Variants in KCNK16 observed in about 807,000 individuals in gnomAD.
The protein encoded by KCNK16 is potassium two pore domain channel subfamily K member 16.
Under a neutral mutation model 23.0 loss-of-function variants are expected in KCNK16, and 23 were observed. The observed-to-expected ratio is 1.00, with a 90% confidence interval of 0.72 to 1.41. The LOEUF is 1.41. Ranked by LOEUF, KCNK16 falls within the 40% of genes most tolerant of loss-of-function variation. The probability of loss-of-function intolerance (pLI) is 0.00; values close to 1 mark genes in which losing one functional copy is unlikely to be tolerated. For missense variants in KCNK16, 327 were observed against 365.8 expected, an observed-to-expected ratio of 0.89 and a Z score of 0.87; for synonymous variants, 145 against 153.5, an observed-to-expected ratio of 0.94 and a Z score of 0.41.
chr6:39,316,503 C>T (rs1762323531), intron 4 of KCNK16, 61 bp from the exon 5 acceptor site: 1 of 1,516,602 alleles, frequency 6.6e-7, no homozygotes, highest in Non-Finnish European at 8.9e-7. Flanking sequence ...CCTCCAGTTT[C>T]CATAGGGACC....
Position 39,319,558 on chromosome 6 carries a change from A to G in KCNK16, c.214-425T>C, listed in dbSNP as rs753049499. Among the ~76,000 whole-genome samples, 11 of 152,160 alleles carry G rather than the reference A, an allele frequency of 7.2e-5. No individual in the cohort carries two copies. Among genetic ancestry groups the G allele is most frequent in the African/African-American group, 1.4e-4 (6 of 41,420 alleles). On this transcript the variant is annotated intron_variant, in intron 1 of 4. Transcript: ENST00000437525. The surrounding 1 kb of genome is among the most constrained non-coding windows in gnomAD (Gnocchi z 4.2). ...TGTCTGGAAGGGATTGCTGGGGAAC[A>G]CAGGGTTTAGGGACCACAGGGAAGC...
downstream of KCNK16, chr6:39,315,567 C>T (rs755890977): frequency 1.4e-5 from 10 of 700,606 alleles, no homozygotes; most frequent in East Asian, 8.2e-5. Flanking sequence ...GCCTGCCCCT[C>T]GGCTGAGAGC....
chr6:39,322,001 A>G (rs1358857807), intron 1 of KCNK16, among the ~76,000 whole-genome samples: 1 of 152,264 alleles, frequency 6.6e-6, no homozygotes, highest in Admixed American at 6.5e-5. Flanking sequence ...TATAGTTCCC[A>G]TTCATCCAGC....
At chr6:39,315,710 A>C (rs1762284741), downstream of KCNK16, among the ~76,000 whole-genome samples, 1 of 152,020 alleles carries the variant, frequency 6.6e-6, no homozygotes, top group Admixed American at 6.5e-5. Flanking sequence ...CCATCATAGC[A>C]TTTTGGGCAC....
chr6:39,317,888 C>CGTT lies in KCNK16; in HGVS notation c.392_393insAAC (p.Leu131_Gly132insThr). 6.2e-7 allele frequency: 1 copy of CGTT among 1,613,852 alleles called. No homozygotes were observed. The highest frequency in any genetic ancestry group is 8.5e-7 in the Non-Finnish European group (1 of 1,179,894). ...GGAAGATCACGTTAAGCGGGATGCC[C>CGTT]AACAGGGCATAGAAGACACAGAAGA... On this transcript the variant is annotated inframe_insertion, in exon 3 of 5. Coordinates refer to ENST00000437525, the MANE Select transcript of KCNK16 (RefSeq NM_001135106.2).
At position 39,316,766 on chromosome 6, in the gene KCNK16, AC is replaced by A. The variant is rs779311855; in HGVS notation, c.661+15del. The A allele has an allele frequency of 2.5e-6, 4 of 1,609,022 alleles. No individual in the cohort carries two copies. The highest frequency in any genetic ancestry group is 1.7e-5 in the Admixed American group (1 of 59,512). On this transcript the variant is annotated intron_variant, in intron 4 of 4. Coordinates refer to ENST00000437525, the MANE Select transcript of KCNK16 (RefSeq NM_001135106.2). ...GGCACCCCCACCCTGAGATAATGTG[AC>A]TGTTTTGTTCTCACCAACAACATAG...
In KCNK16 at chr6:39,316,211, C is replaced by G. The variant is rs760503748; in HGVS notation, c.*8G>C. ...ATGAAAGGGGTTTCTGGGCCCCCCC[C>G]GGGGGCCTCATGCAGAGATGGGGAT... On this transcript the variant is annotated 3_prime_UTR_variant, in exon 5 of 5. Transcript: ENST00000437525. 14 of 1,512,682 alleles carry G rather than the reference C, an allele frequency of 9.3e-6. No homozygotes were observed. The Admixed American group carries it at 2.9e-4, about 32-fold the overall frequency. 93.7% of individuals were successfully genotyped at this position (1,512,682 alleles called of 1,614,324 possible).
At position 39,322,512 on chromosome 6, in the gene KCNK16, C is replaced by A. The variant is rs1457032373; in HGVS notation, c.29G>T (p.Trp10Leu). MPSAGLCSC[W>L]GGRVLPLLLA... ...CAGCAGGGGCAGCACCCGGCCACCC[C>A]AGCAGCTGCAGAGCCCAGCACTGGG... is the stretch of plus-strand genomic sequence containing the variant. Residue 10 changes from tryptophan (W) to leucine (L), a missense_variant, in exon 1 of 5, where the codon TGG becomes TTG. Physicochemically the swap from Trp to Leu is moderately conservative, Grantham distance 61 (BLOSUM62 -2). Coordinates refer to ENST00000437525, the MANE Select transcript of KCNK16 (RefSeq NM_001135106.2). The A allele has an allele frequency of 1.9e-6, 3 of 1,608,222 alleles. No individual in the cohort carries two copies. Among genetic ancestry groups the A allele is most frequent in the Admixed American group, 3.4e-5 (2 of 59,448 alleles).
In KCNK16 at chr6:39,322,621, G is replaced by T. The variant is rs1455763567; in HGVS notation, c.-81C>A. 2 of 1,487,614 alleles carry T rather than the reference G, an allele frequency of 1.3e-6. No homozygotes were observed. The highest frequency in any genetic ancestry group is 2.8e-5 in the African/African-American group (2 of 71,686). 92.2% of individuals were successfully genotyped at this position (1,487,614 alleles called of 1,614,324 possible). A position where few individuals can be genotyped will look rare whatever the true frequency, so the allele number is the denominator to read the frequency against. On this transcript the variant is annotated 5_prime_UTR_variant, in exon 1 of 5. Coordinates refer to ENST00000437525, the MANE Select transcript of KCNK16 (RefSeq NM_001135106.2). ...AACAGGTGAGGAGTAAGCACCTAGG[G>T]GCCTGTGCCCAGGCTGCCGCCTGCC...
At position 39,319,104 on chromosome 6, in the gene KCNK16, C is replaced by T; in HGVS notation, c.243G>A (p.Val81=). 1 of 1,613,784 alleles carries T rather than the reference C, an allele frequency of 6.2e-7. No individual in the cohort carries two copies. The highest frequency in any genetic ancestry group is 8.5e-7 in the Non-Finnish European group (1 of 1,179,746). ...GGTTGGTAGAGTTGCCTTTGGGGTT[C>T]ACACCTTTCACCCAGGCTTCCATGA... The part of the protein sequence containing the change: ...QVIMEAWVKG[V]NPKGNSTNPS... Residue 81 remains valine (V), a synonymous_variant, in exon 2 of 5, where the codon GTG becomes GTA. Transcript: ENST00000437525. This position sits in a 1 kb window ranked among gnomAD's most constrained non-coding sequence, Gnocchi z 4.2.
At position 39,316,931 on chromosome 6, in the gene KCNK16, C is replaced by T; in HGVS notation, c.512G>A (p.Gly171Asp). 6.2e-7 allele frequency: 1 copy of T among 1,613,220 alleles called. No homozygotes were observed. The highest frequency in any genetic ancestry group is 8.5e-7 in the Non-Finnish European group (1 of 1,179,816). The change falls in exon 4 of 5, where the codon GGC becomes GAC. Residue 171 changes from glycine (G) to aspartate (D), a missense_variant. Gly to Asp is a moderately conservative substitution (Grantham distance 94). Transcript: ENST00000437525. Reference protein sequence around the residue: ...PRRSQVLQVLGLALFLTLGTL... With the variant: ...PRRSQVLQVLDLALFLTLGTL... ...CCCCAGGGTCAGGAACAGAGCCAGG[C>T]CCAGGACTTGCAGTACCTAGGAGGG...
chr6:39,318,035 G>T, intron 2 of KCNK16, 83 bp from the exon 3 acceptor site: 1 of 1,363,688 alleles, frequency 7.3e-7, no homozygotes, highest in Non-Finnish European at 9.8e-7. Flanking sequence ...GCTGAGGTTT[G>T]TCTGTCACCA....
downstream of KCNK16, chr6:39,315,078 C>T (rs561401332): frequency 1.9e-6 from 3 of 1,613,918 alleles, no homozygotes; most frequent in Non-Finnish European, 2.5e-6. Context: ...TGTAGAGCCT[C>T]TCCTGGGTCT....
intron 1 of KCNK16, 33 bp downstream of exon 1, chr6:39,322,295 T>C (rs1360327588): frequency 1.3e-6 from 2 of 1,597,804 alleles, no homozygotes; most frequent in South Asian, 1.1e-5. Flanking sequence ...TTCCCAAGCC[T>C]CTCCATCCCA....
At chr6:39,320,945 C>A (rs1158194859) in intron 1 of KCNK16, among the ~76,000 whole-genome samples, 1 of 152,214 alleles carries the variant, frequency 6.6e-6, no homozygotes, top group African/African-American at 2.4e-5. Context: ...GGTCCCCCAA[C>A]TTTGACTAAC....
intron 2 of KCNK16, among the ~76,000 whole-genome samples, chr6:39,318,696 C>T (rs1208763811): frequency 6.6e-6 from 1 of 152,146 alleles, no homozygotes; most frequent in African/African-American, 2.4e-5. Context: ...TACTCGGGAC[C>T]AGCTCTCAAC....
At chr6:39,317,749 T>C in intron 3 of KCNK16, 37 bp downstream of exon 3, 1 of 1,508,946 alleles carries the variant, frequency 6.6e-7, no homozygotes, top group Non-Finnish European at 8.9e-7. Flanking sequence ...GCAACAGATC[T>C]GTCACAGCAG....
rs753644738 is a variant in KCNK16 at position 39,322,412 on chromosome 6, G to A, written c.129C>T (p.Ser43=). 4.3e-6 allele frequency: 7 copies of A among 1,613,922 alleles called. No homozygotes were observed. In the South Asian group the frequency reaches 5.5e-5, roughly 13 times the overall value. The change falls in exon 1 of 5, where the codon TCC becomes TCT. Residue 43 remains serine, a synonymous_variant. Coordinates refer to ENST00000437525, the MANE Select transcript of KCNK16 (RefSeq NM_001135106.2). ...QLLERQAEAQ[S]RDQFQLEKLR... is the part of the protein sequence containing the mutation. ...GCTTCTCCAACTGAAACTGGTCCCT[G>A]GACTGAGCCTCCGCCTGCCTCTCTA... is the stretch of plus-strand genomic sequence containing the variant.
intron 1 of KCNK16, among the ~76,000 whole-genome samples, chr6:39,321,055 C>T (rs1420428267): frequency 1.3e-5 from 2 of 152,210 alleles, no homozygotes; most frequent in Non-Finnish European, 2.9e-5. Context: ...CCAGCCCACG[C>T]ATCATCTTCT....
Sources: gnomAD v4.1 joint callset for allele counts (sites outside exome capture counted in the v4.1 genomes callset) on GRCh38, gnomAD v4.1.1 for gene constraint, Gnocchi (gnomAD v3.1) non-coding constraint, MANE v1.5 for transcripts, NCBI Gene and HGNC (gene_info 2026-07-23, HGNC 2026-07-21) for gene names.